The following HACL2 variants were observed in gnomAD, a reference collection of about 807,000 sequenced individuals.
HACL2 encodes the protein 2-hydroxyacyl-CoA lyase 1 like.
chr19:15,116,350 G>T, the HACL2 span: 1 of 1,613,890 alleles, frequency 6.2e-7, no homozygotes, highest in Non-Finnish European at 8.5e-7. Flanking sequence ...GGTCACCAGG[G>T]TTGGCAGCAG....
At chr19:15,118,776 C>G in the HACL2 span, among the ~76,000 whole-genome samples, 1 of 152,212 alleles carries the variant, frequency 6.6e-6, no homozygotes, top group African/African-American at 2.4e-5. Context: ...ATGACCCCAG[C>G]TGAGGCCATC....
At chr19:15,125,027 C>A in the HACL2 span, 1 of 1,572,454 alleles carries the variant, frequency 6.4e-7, no homozygotes, top group Admixed American at 1.9e-5. Flanking sequence ...GGAATAAGCT[C>A]CCAGCGGGGG....
the HACL2 span, chr19:15,124,112 T>C: frequency 1.4e-4 from 22 of 159,494 alleles, no homozygotes; most frequent in Non-Finnish European, 2.8e-4. Flanking sequence ...CCAGCCACCA[T>C]GTGCCTGGCA....
At chr19:15,118,166 AC>A in the HACL2 span, 2 of 940,918 alleles carry the variant, frequency 2.1e-6, no homozygotes, top group Non-Finnish European at 3.2e-6. Context: ...AGCTCCCCAC[AC>A]CCCCTGAATC....
At chr19:15,117,845 G>A in the HACL2 span, 5 of 1,611,578 alleles carry the variant, frequency 3.1e-6, no homozygotes, top group Admixed American at 8.3e-5. Context: ...GGACTGGGAG[G>A]AGCACATATG....
At chr19:15,115,533 C>T in the HACL2 span, 1 of 1,604,580 alleles carries the variant, frequency 6.2e-7, no homozygotes, top group East Asian at 2.2e-5. Context: ...GAAACAGCCT[C>T]CTGTCCTCCC....
chr19:15,116,029 C>A, the HACL2 span: 1 of 1,614,046 alleles, frequency 6.2e-7, no homozygotes, highest in Non-Finnish European at 8.5e-7. Flanking sequence ...CAGCTTGGCC[C>A]CAAGTGCAAA....
At chr19:15,117,670 C>A in the HACL2 span, 1 of 491,804 alleles carries the variant, frequency 2.0e-6, no homozygotes. Flanking sequence ...CAGAGCGAGA[C>A]CTCGTCTCTA....
the HACL2 span, chr19:15,125,158 GC>G: frequency 7.8e-7 from 1 of 1,283,544 alleles, no homozygotes; most frequent in South Asian, 1.5e-5. Flanking sequence ...AGGATCCAGG[GC>G]CACGACCCTT....
chr19:15,122,915 G>A, the HACL2 span: 1 of 1,608,440 alleles, frequency 6.2e-7, no homozygotes, highest in Non-Finnish European at 8.5e-7. This position sits in a 1 kb window ranked among gnomAD's most constrained non-coding sequence, Gnocchi z 4.0. Flanking sequence ...CTGGGCGGCA[G>A]CCATCGCGGC....
the HACL2 span, chr19:15,118,035 T>C: frequency 6.2e-7 from 1 of 1,613,782 alleles, no homozygotes; most frequent in Non-Finnish European, 8.5e-7. Flanking sequence ...GGGACAGGAA[T>C]GCAGTAGGCA....
At chr19:15,122,989 G>A in the HACL2 span, 2 of 1,603,404 alleles carry the variant, frequency 1.2e-6, no homozygotes, top group South Asian at 1.1e-5. The surrounding 1 kb of genome is among the most constrained non-coding windows in gnomAD (Gnocchi z 4.0). Flanking sequence ...AGAGTGGCCG[G>A]AAAAGGGACA....
chr19:15,122,300 G>A, the HACL2 span, among the ~76,000 whole-genome samples: 57 of 152,126 alleles, frequency 3.7e-4, no homozygotes, highest in South Asian at 7.7e-3. This position sits in a 1 kb window ranked among gnomAD's most constrained non-coding sequence, Gnocchi z 4.0. Context: ...CCTCCCTTCC[G>A]AGGTTCAAGG....
At chr19:15,123,509 C>T in the HACL2 span, 8 of 1,613,934 alleles carry the variant, frequency 5.0e-6, no homozygotes, top group African/African-American at 8.0e-5. The surrounding 1 kb of genome is among the most constrained non-coding windows in gnomAD (Gnocchi z 5.1). Flanking sequence ...GAAGATGAAC[C>T]GCACACCATG....
At chr19:15,115,213 G>A in the HACL2 span, 147 of 1,611,686 alleles carry the variant, frequency 9.1e-5, no homozygotes, top group Middle Eastern at 3.3e-4. Flanking sequence ...ACACAGTCCA[G>A]GGGCAGGAAG....
the HACL2 span, chr19:15,120,024 C>T: frequency 6.4e-7 from 1 of 1,550,834 alleles, no homozygotes; most frequent in South Asian, 1.2e-5. Flanking sequence ...GCAGCGGTCC[C>T]TCGGGCTGAG....
the HACL2 span, chr19:15,116,015 G>T: frequency 6.2e-7 from 1 of 1,614,018 alleles, no homozygotes; most frequent in Non-Finnish European, 8.5e-7. Context: ...GCATCTGGCC[G>T]GCACAGCTTG....
the HACL2 span, chr19:15,115,466 C>T: frequency 1.2e-6 from 2 of 1,608,202 alleles, no homozygotes; most frequent in Admixed American, 1.7e-5. Flanking sequence ...GTGGCAAGGA[C>T]TCAGCCCACC....
chr19:15,119,864 T>C, the HACL2 span: 1 of 692,970 alleles, frequency 1.4e-6, no homozygotes, highest in Non-Finnish European at 2.4e-6. Context: ...GGGCCGCCCT[T>C]GAGTCGCCAT....
Sources: gnomAD v4.1 joint callset for allele counts (sites outside exome capture counted in the v4.1 genomes callset) on GRCh38, gnomAD v4.1.1 for gene constraint, Gnocchi (gnomAD v3.1) non-coding constraint, MANE v1.5 for transcripts, NCBI Gene and HGNC (gene_info 2026-07-23, HGNC 2026-07-21) for gene names.